RPS23: variants seen among roughly 807,000 people sequenced by gnomAD.
RPS23 encodes the protein ribosomal protein S23, also known as small ribosomal subunit protein uS12.
For missense variants in RPS23, 73 were observed against 174.5 expected (o/e 0.42, Z 3.28); for synonymous variants, 66 against 60.4 (o/e 1.09, Z -0.43).
At chr5:82,278,069 G>C (rs2112069453) in intron 1 of RPS23, 1 of 659,254 alleles carries the variant, frequency 1.5e-6, no homozygotes, top group East Asian at 2.7e-5. Context: ...CGAAGGACGA[G>C]GCCCCGCTCG....
In RPS23 at chr5:82,278,350, A is replaced by G. The variant is rs548690609; in HGVS notation, c.-27T>C. The G allele has an allele frequency of 9.3e-6, 15 of 1,606,884 alleles. No homozygotes were observed. The South Asian group carries it at 1.1e-4, about 12-fold the overall frequency. On this transcript the variant is annotated 5_prime_UTR_variant, in exon 1 of 4. Transcript: ENST00000296674. ...CTGTCGGCGCCACGGGCCTGAGCGAAAGAGAGAAGCACCGCAGGAAGGAGC... is the reference window on the plus strand; with the variant it reads ...CTGTCGGCGCCACGGGCCTGAGCGAGAGAGAGAAGCACCGCAGGAAGGAGC...
rs529811301 is a variant in RPS23 at position 82,277,266 on chromosome 5, A to G, written c.164+427T>C. The stretch of plus-strand genomic sequence containing the variant: ...AACTATATGAAATTATTATTTTAAA[A>G]AGTCAAAACCAGTCAAATACTGGCA... On this transcript the variant is annotated intron_variant, in intron 2 of 3. Coordinates refer to ENST00000296674, the MANE Select transcript of RPS23 (RefSeq NM_001025.5). 5.4e-5 allele frequency: 11 copies of G among 202,384 alleles called. No individual in the cohort carries two copies. The East Asian group carries it at 1.0e-3, about 19-fold the overall frequency. The allele number at this position is 202,384 out of a possible 1,614,324, so 12.5% of individuals were successfully genotyped here.
intron 2 of RPS23, chr5:82,277,336 T>C (rs530838175): frequency 5.9e-4 from 186 of 316,462 alleles, no homozygotes; most frequent in Middle Eastern, 3.2e-3. Flanking sequence ...TTAATTCTGA[T>C]GCAAGTCACT....
Position 82,278,343 on chromosome 5 carries a change from T to C in RPS23, c.-20A>G. 25 of 1,607,700 alleles carry C rather than the reference T, an allele frequency of 1.6e-5. No homozygotes were observed. Among genetic ancestry groups the C allele is most frequent in the East Asian group, 2.2e-5 (1 of 44,492 alleles). On this transcript the variant is annotated 5_prime_UTR_variant, in exon 1 of 4. Transcript: ENST00000296674. ...ACCCATCCTGTCGGCGCCACGGGCC[T>C]GAGCGAAAGAGAGAAGCACCGCAGG...
In RPS23 at chr5:82,275,293, ACT is replaced by A. The variant is rs775039042; in HGVS notation, c.*814_*815del. On this transcript the variant is annotated 3_prime_UTR_variant, in exon 4 of 4. Transcript: ENST00000296674. ...CAACCATGCCACTGTATCCATGAAA[ACT>A]CTGAAACAAGTATTTGTGGACAGCA... is the stretch of plus-strand genomic sequence containing the variant. The A allele has an allele frequency of 2.8e-6, 2 of 702,398 alleles. No homozygotes were observed. The highest frequency in any genetic ancestry group is 2.6e-6 in the Non-Finnish European group (1 of 384,968). 43.5% of individuals were successfully genotyped at this position (702,398 alleles called of 1,614,324 possible).
intron 1 of RPS23, 151 bp from the exon 2 acceptor site, chr5:82,278,003 G>A (rs1747969027): frequency 4.0e-6 from 3 of 752,198 alleles, no homozygotes; most frequent in East Asian, 2.7e-5. Flanking sequence ...TGGCCTTCAA[G>A]TTGCCCTGAA....
At chr5:82,276,338 A>G (rs1447340795) in intron 3 of RPS23, 60 bp downstream of exon 3, 1 of 1,612,792 alleles carries the variant, frequency 6.2e-7, no homozygotes, top group Non-Finnish European at 8.5e-7. Flanking sequence ...CTTGCATCAG[A>G]TAAAAATGTG....
rs1321646129 is a variant in RPS23, at chr5:82,275,122, A to G, written c.*987T>C. On this transcript the variant is annotated 3_prime_UTR_variant, in exon 4 of 4. Transcript: ENST00000296674. Reference sequence around the variant, plus strand: ...AGGTTCTGCTCTTGATCCTACGGAAAGTGGGCAACCAAACCAATTGTTTTC... The same window carrying G: ...AGGTTCTGCTCTTGATCCTACGGAAGGTGGGCAACCAAACCAATTGTTTTC... The G allele has an allele frequency of 1.5e-6, 1 of 669,456 alleles. No individual in the cohort carries two copies. The highest frequency in any genetic ancestry group is 1.8e-5 in the African/African-American group (1 of 56,142). 41.5% of individuals were successfully genotyped at this position (669,456 alleles called of 1,614,324 possible).
intron 2 of RPS23, 25 bp from the exon 3 acceptor site, chr5:82,276,543 G>A: frequency 6.2e-7 from 1 of 1,612,354 alleles, no homozygotes; most frequent in South Asian, 1.1e-5. Context: ...GCACAGCACT[G>A]TGAGCTGGCT....
chr5:82,278,300 A>G lies in RPS23; in HGVS notation c.4+20T>C. On this transcript the variant is annotated intron_variant, in intron 1 of 3. Transcript: ENST00000296674. ...CCAAGTCCCGCTTGCAGCGCCCTTA[A>G]ACCGGCCACAACAGCTCACCCATCC... 6.2e-7 allele frequency: 1 copy of G among 1,609,428 alleles called. No homozygotes were observed. Among genetic ancestry groups the G allele is most frequent in the Non-Finnish European group, 8.5e-7 (1 of 1,178,246 alleles).
At chr5:82,277,276 C>A in intron 2 of RPS23, 1 of 203,770 alleles carries the variant, frequency 4.9e-6, no homozygotes, top group Non-Finnish European at 9.8e-6. Flanking sequence ...AAGTCAAAAC[C>A]AGTCAAATAC....
intron 1 of RPS23, 107 bp downstream of exon 1, chr5:82,278,213 G>T: frequency 8.9e-7 from 1 of 1,125,586 alleles, no homozygotes; most frequent in Non-Finnish European, 1.3e-6. Flanking sequence ...CTCCCCCATG[G>T]AGCCTCTCCA....
intron 2 of RPS23, among the ~76,000 whole-genome samples, chr5:82,277,055 G>A (rs1747840029): frequency 6.6e-6 from 1 of 151,404 alleles, no homozygotes; most frequent in East Asian, 1.9e-4. Context: ...TGTGGTAGTG[G>A]GCGCCTGTAA....
Position 82,275,446 on chromosome 5 carries a change from AG to A in RPS23, c.*662del, listed in dbSNP as rs1554062723. ...GAAGGTCTCTGACAACCTCATGAGA[AG>A]ATACTGAAAACATCAGTCTTGTCGT... On this transcript the variant is annotated 3_prime_UTR_variant, in exon 4 of 4. Coordinates refer to ENST00000296674, the MANE Select transcript of RPS23 (RefSeq NM_001025.5). The A allele has an allele frequency of 3.5e-6, 2 of 574,310 alleles. No individual in the cohort carries two copies. The highest frequency in any genetic ancestry group is 1.8e-5 in the South Asian group (1 of 54,350). The allele number at this position is 574,310 out of a possible 1,614,324, so 35.6% of individuals were successfully genotyped here.
intron 1 of RPS23, 106 bp downstream of exon 1, chr5:82,278,214 A>T (rs1748001562): frequency 8.2e-5 from 52 of 634,932 alleles, no homozygotes; most frequent in Non-Finnish European, 1.3e-4. Flanking sequence ...TCCCCCATGG[A>T]GCCTCTCCAT....
Position 82,276,040 on chromosome 5 carries a change from G to A in RPS23, c.*69C>T. ...AACATGATCTTCGTGGTGAGAACAG[G>A]GGACAGTAAGATACAAACATTTTTT... On this transcript the variant is annotated 3_prime_UTR_variant, in exon 4 of 4. Coordinates refer to ENST00000296674, the MANE Select transcript of RPS23 (RefSeq NM_001025.5). 7.0e-7 allele frequency: 1 copy of A among 1,423,604 alleles called. No individual in the cohort carries two copies. The highest frequency in any genetic ancestry group is 9.7e-7 in the Non-Finnish European group (1 of 1,033,510). 88.2% of individuals were successfully genotyped at this position (1,423,604 alleles called of 1,614,324 possible).
Position 82,277,890 on chromosome 5 carries a change from G to C in RPS23, c.5-38C>G, listed in dbSNP as rs777566379. The C allele has an allele frequency of 1.5e-5, 23 of 1,580,308 alleles. No homozygotes were observed. The Admixed American group carries it at 4.0e-4, about 27-fold the overall frequency. Reference sequence around the variant, plus strand: ...TATTTTAGTTCTTCCGTAAAAACACGCCATCTACGTGTTTCCCATCTTCTA... The same window carrying C: ...TATTTTAGTTCTTCCGTAAAAACACCCCATCTACGTGTTTCCCATCTTCTA... On this transcript the variant is annotated intron_variant, in intron 1 of 3. Coordinates refer to ENST00000296674, the MANE Select transcript of RPS23 (RefSeq NM_001025.5).
Position 82,277,953 on chromosome 5 carries a change from T to C in RPS23, c.5-101A>G, listed in dbSNP as rs1227046923. ...CACCTGGAATAAACCCTTAAGCCGA[T>C]TGGCTCTCGTACTATTTATTGGCCT... On this transcript the variant is annotated intron_variant, in intron 1 of 3. Coordinates refer to ENST00000296674, the MANE Select transcript of RPS23 (RefSeq NM_001025.5). The C allele has an allele frequency of 1.1e-4, 113 of 1,072,962 alleles. 1 individual carries two copies. In the South Asian group the frequency reaches 1.1e-3, roughly 11 times the overall value. The allele number at this position is 1,072,962 out of a possible 1,614,324, so 66.5% of individuals were successfully genotyped here.
rs924635289 is a variant in RPS23 at position 82,276,611 on chromosome 5, T to C, written c.165-93A>G. 4 of 1,485,578 alleles carry C rather than the reference T, an allele frequency of 2.7e-6. No individual in the cohort carries two copies. The South Asian group carries it at 3.7e-5, about 14-fold the overall frequency. 92.0% of individuals were successfully genotyped at this position (1,485,578 alleles called of 1,614,324 possible). A position where few individuals can be genotyped will look rare whatever the true frequency, so the allele number is the denominator to read the frequency against. ...GAGAACTAATGAGAAACTGTTTCTA[T>C]CTTTTCAATCTAACCTCAAATGGCT... On this transcript the variant is annotated intron_variant, in intron 2 of 3. Coordinates refer to ENST00000296674, the MANE Select transcript of RPS23 (RefSeq NM_001025.5).
Sources: allele counts gnomAD v4.1 joint callset (sites outside exome capture counted in the v4.1 genomes callset), GRCh38; gene constraint gnomAD v4.1.1; transcripts MANE v1.5; gene names NCBI Gene and HGNC (gene_info 2026-07-23, HGNC 2026-07-21).